ZNF789: variants seen among roughly 807,000 people sequenced by gnomAD.
ZNF789 encodes the protein zinc finger protein 789.
A neutral mutation model predicts 15.6 loss-of-function variants in ZNF789; 11 were observed. That is an observed-to-expected ratio of 0.70 (90% CI 0.44 to 1.16). The LOEUF (loss-of-function observed/expected upper bound fraction) is 1.16, where lower values mean the gene tolerates loss of function less well. Ranked by LOEUF, ZNF789 falls within the 50% of genes most tolerant of loss-of-function variation. The pLI is 0.00. For missense variants in ZNF789, 461 were observed against 512.6 expected (o/e 0.90, Z 0.97); for synonymous variants, 159 against 176.0 (o/e 0.90, Z 0.76).
intron 3 of ZNF789, 133 bp downstream of exon 3, chr7:99,479,920 A>G (rs574574626): frequency 1.6e-6 from 2 of 1,249,270 alleles, no homozygotes; most frequent in South Asian, 1.6e-5. Flanking sequence ...TCGTGTGGCT[A>G]CAAGCCCTGA....
chr7:99,478,943 C>G (rs991707095), intron 2 of ZNF789: 4 of 154,128 alleles, frequency 2.6e-5, no homozygotes, highest in African/African-American at 9.7e-5. Context: ...TCCCTCCCCA[C>G]TGGGCTGTGG....
At chr7:99,479,362 T>A (rs1799497578) in intron 2 of ZNF789, 1 of 271,094 alleles carries the variant, frequency 3.7e-6, no homozygotes, top group African/African-American at 2.2e-5. Flanking sequence ...GATTTGCTGT[T>A]CCTCTAATCA....
chr7:99,484,179 G>C (rs758197298), intron 4 of ZNF789, 36 bp downstream of exon 4: 1 of 1,549,748 alleles, frequency 6.5e-7, no homozygotes, highest in South Asian at 1.1e-5. Context: ...GTGGAATCAG[G>C]AAGAGGAAGG....
chr7:99,479,669 C>G lies in ZNF789; in HGVS notation c.33C>G (p.Leu11=), dbSNP rs868020378. Residue 11 remains leucine, a synonymous_variant, in exon 3 of 5, where the codon CTC becomes CTG. Coordinates refer to ENST00000331410, the MANE Select transcript of ZNF789 (RefSeq NM_213603.3). MFPPARGKEL[L]SFEDVAMYFT... is the part of the protein sequence containing the mutation. The stretch of plus-strand genomic sequence containing the variant: ...ATCAGCTACTTTTCCAGGAGCTGCT[C>G]TCGTTTGAGGATGTGGCGATGTACT... The G allele has an allele frequency of 3.8e-6, 6 of 1,592,348 alleles. No homozygotes were observed. In the Middle Eastern group the frequency reaches 5.0e-4, roughly 134 times the overall value.
At chr7:99,480,284 C>T (rs777673133) in intron 3 of ZNF789, 11 of 154,906 alleles carry the variant, frequency 7.1e-5, no homozygotes, top group East Asian at 1.9e-4. Flanking sequence ...GAGATCATGC[C>T]GCTGCATTCC....
intron 4 of ZNF789, chr7:99,485,176 T>A: frequency 6.5e-7 from 1 of 1,535,696 alleles, no homozygotes; most frequent in Non-Finnish European, 8.7e-7. Context: ...CTGACATATC[T>A]GCATTTTTCT....
intron 4 of ZNF789, among the ~76,000 whole-genome samples, chr7:99,484,874 A>G (rs1744327052): frequency 6.6e-6 from 1 of 152,118 alleles, no homozygotes; most frequent in African/African-American, 2.4e-5. Context: ...GGTTGCAGTG[A>G]GCTGAGATTA....
At chr7:99,476,595 T>A (rs1464989835) in intron 2 of ZNF789, 115 bp downstream of exon 2, 1 of 1,270,600 alleles carries the variant, frequency 7.9e-7, no homozygotes, top group Non-Finnish European at 1.1e-6. Flanking sequence ...GACAGTGCAA[T>A]GTAGAGAGCT....
chr7:99,477,497 C>T (rs1043778322), intron 2 of ZNF789, among the ~76,000 whole-genome samples: 7 of 124,512 alleles, frequency 5.6e-5, no homozygotes, highest in African/African-American at 1.6e-4. Flanking sequence ...CATGCCACCA[C>T]GCCTGGTTAC....
At position 99,487,340 on chromosome 7, in the gene ZNF789, C is replaced by T. The variant is rs779361321; in HGVS notation, c.1130C>T (p.Thr377Met). The change falls in exon 5 of 5, where the codon ACG becomes ATG. Residue 377 changes from threonine to methionine, a missense_variant. Physicochemically the swap from Thr to Met is moderately conservative, Grantham distance 81. Coordinates refer to ENST00000331410, the MANE Select transcript of ZNF789 (RefSeq NM_213603.3). ...EFFQCGECGK[T>M]FSFKRNLFRH... ...TTTCAATGTGGAGAATGTGGGAAAACGTTTAGTTTTAAGAGGAATCTTTTT... is the reference window on the plus strand; with the variant it reads ...TTTCAATGTGGAGAATGTGGGAAAATGTTTAGTTTTAAGAGGAATCTTTTT... 17 of 1,614,024 alleles carry T rather than the reference C, an allele frequency of 1.1e-5. No individual in the cohort carries two copies. The highest frequency in any genetic ancestry group is 1.3e-5 in the African/African-American group (1 of 74,904).
chr7:99,480,605 T>G (rs997660581), intron 3 of ZNF789: 1 of 152,238 alleles, frequency 6.6e-6, no homozygotes, highest in Non-Finnish European at 1.5e-5. Flanking sequence ...TTGAGAATTA[T>G]GGTAGATTTA....
At chr7:99,486,325 T>G in intron 4 of ZNF789, 151 bp from the exon 5 acceptor site, 1 of 800,468 alleles carries the variant, frequency 1.2e-6, no homozygotes, top group South Asian at 2.0e-5. Flanking sequence ...AAAAAAAAAT[T>G]TCAGAGTTTT....
chr7:99,476,049 C>T (rs75560233), intron 1 of ZNF789, among the ~76,000 whole-genome samples: 10,561 of 152,002 alleles, frequency 0.069, 749 homozygotes, highest in East Asian at 0.31. Context: ...GTGATCCACC[C>T]GCCTCAGCCT....
chr7:99,483,551 A>G (rs1242406379), intron 3 of ZNF789: 34 of 595,704 alleles, frequency 5.7e-5, no homozygotes, highest in Middle Eastern at 3.3e-4. Flanking sequence ...GAATTACTTG[A>G]TCCTGGGAGG....
intron 4 of ZNF789, chr7:99,485,342 C>T (rs1158590422): frequency 4.6e-6 from 4 of 875,244 alleles, no homozygotes; most frequent in Admixed American, 2.0e-5. Context: ...GGCCTGCATC[C>T]ACTAGATGCC....
Position 99,484,122 on chromosome 7 carries a change from G to C in ZNF789, c.244G>C (p.Ala82Pro). ...LDLPRTGNRKASGSACPGSEA... is the reference protein window; with the variant it reads ...LDLPRTGNRKPSGSACPGSEA... The stretch of plus-strand genomic sequence containing the variant: ...TCTACCGAGAACTGGGAATAGGAAG[G>C]CTTCCGGTAGTGCTTGCCCAGGTGG... Residue 82 changes from alanine to proline, a missense_variant, in exon 4 of 5, where the codon GCT (alanine) becomes CCT (proline). Ala to Pro is a conservative substitution (Grantham distance 27, BLOSUM62 -1). Transcript: ENST00000331410. 1 of 1,613,966 alleles carries C rather than the reference G, an allele frequency of 6.2e-7. No homozygotes were observed. Among genetic ancestry groups the C allele is most frequent in the Non-Finnish European group, 8.5e-7 (1 of 1,179,940 alleles).
chr7:99,474,421 C>T (rs184242343), intron 1 of ZNF789, among the ~76,000 whole-genome samples: 1,954 of 152,126 alleles, frequency 0.013, 38 homozygotes, highest in African/African-American at 0.045. Flanking sequence ...GGTGAAACCC[C>T]GTCTCTACTA....
chr7:99,486,950 A>G lies in ZNF789; in HGVS notation c.740A>G (p.His247Arg), dbSNP rs763202817. The change falls in exon 5 of 5, where the codon CAT (histidine) becomes CGT (arginine). Residue 247 changes from histidine to arginine, a missense_variant. His to Arg is a conservative substitution (Grantham distance 29). Coordinates refer to ENST00000331410, the MANE Select transcript of ZNF789 (RefSeq NM_213603.3). ...AFRQRSALTV[H>R]KQCHLQNKPY... ...AGACAGCGGTCAGCTCTTACGGTCC[A>G]TAAACAGTGTCACCTGCAAAACAAG... 5.6e-6 allele frequency: 9 copies of G among 1,614,116 alleles called. No homozygotes were observed. Among genetic ancestry groups the G allele is most frequent in the Admixed American group, 1.7e-5 (1 of 59,992 alleles).
At chr7:99,486,278 G>A (rs996733972) in intron 4 of ZNF789, among the ~76,000 whole-genome samples, 198 bp from the exon 5 acceptor site, 1 of 152,102 alleles carries the variant, frequency 6.6e-6, no homozygotes, top group African/African-American at 2.4e-5. Flanking sequence ...TCATGCCACT[G>A]CACTCTAGCC....
Sources: allele counts gnomAD v4.1 joint callset (sites outside exome capture counted in the v4.1 genomes callset), GRCh38; gene constraint gnomAD v4.1.1; transcripts MANE v1.5; gene names NCBI Gene and HGNC (gene_info 2026-07-23, HGNC 2026-07-21).